The following CDH2 variants were observed in gnomAD, a reference collection of about 807,000 sequenced individuals.
CDH2 encodes cadherin-2.
CDH2 carries 17 observed loss-of-function variants against 92.0 expected under a neutral mutation model. The ratio of observed to expected loss-of-function variants is 0.18; its 90% CI spans 0.13 to 0.28. The LOEUF is 0.28. Ranked by LOEUF, CDH2 falls within the 10% of genes least tolerant of loss-of-function variation. The pLI is 1.00. For missense variants in CDH2, 862 were observed against 1,133.1 expected (o/e 0.76, Z 3.44); for synonymous variants, 419 against 415.9 (o/e 1.01, Z -0.09).
intron 15 of CDH2, among the ~76,000 whole-genome samples, chr18:27,957,104 T>A (rs924228163): frequency 1.5e-5 from 2 of 133,036 alleles, no homozygotes; most frequent in Non-Finnish European, 3.3e-5. Flanking sequence ...ATACTTCTTA[T>A]ATTTTTTATC....
At chr18:28,174,394 T>C (rs1246924698) in intron 1 of CDH2, among the ~76,000 whole-genome samples, 1 of 152,202 alleles carries the variant, frequency 6.6e-6, no homozygotes, top group African/African-American at 2.4e-5. Context: ...ACAATCCACA[T>C]GGTGCACTTA....
At chr18:28,041,346 C>T (rs1396119868) in intron 2 of CDH2, among the ~76,000 whole-genome samples, 1 of 152,080 alleles carries the variant, frequency 6.6e-6, no homozygotes, top group Non-Finnish European at 1.5e-5. Flanking sequence ...TTTGGCTTTG[C>T]TGAAAACAAG....
At chr18:28,018,716 G>C (rs2013322313) in intron 2 of CDH2, among the ~76,000 whole-genome samples, 1 of 151,856 alleles carries the variant, frequency 6.6e-6, no homozygotes. Context: ...TTACACTGCT[G>C]GTAGGAATGG....
chr18:28,126,535 G>A (rs1037244873), intron 2 of CDH2, among the ~76,000 whole-genome samples: 2 of 151,908 alleles, frequency 1.3e-5, no homozygotes, highest in African/African-American at 2.4e-5. Context: ...CTAAAACCCC[G>A]AGACATTATC....
In CDH2 at chr18:28,120,692, G is replaced by C. The variant is rs749012261; in HGVS notation, c.172+26981C>G. 1.1e-4 allele frequency among the ~76,000 whole-genome samples: 16 copies of C among 152,156 alleles called. No individual in the cohort carries two copies. The South Asian group carries it at 2.3e-3, about 22-fold the overall frequency. On this transcript the variant is annotated intron_variant, in intron 2 of 15. Coordinates refer to ENST00000269141, the MANE Select transcript of CDH2 (RefSeq NM_001792.5). ...AGGCATGATTTATGCCCAAGTCAGA[G>C]AGAAAACCTATGGAACTTCATCGAC...
intron 2 of CDH2, among the ~76,000 whole-genome samples, chr18:28,105,351 A>G (rs1041398371): frequency 4.6e-5 from 7 of 152,240 alleles, no homozygotes. Context: ...CAATTCAGAA[A>G]TAGAGCAAAC....
chr18:28,080,517 C>A (rs990658704), intron 2 of CDH2, among the ~76,000 whole-genome samples: 1 of 151,794 alleles, frequency 6.6e-6, no homozygotes, highest in Non-Finnish European at 1.5e-5. Flanking sequence ...AAGCATAAGA[C>A]AACAGAAAAA....
intron 2 of CDH2, among the ~76,000 whole-genome samples, chr18:28,139,066 A>G (rs1214453086): frequency 6.6e-6 from 1 of 151,968 alleles, no homozygotes; most frequent in East Asian, 1.9e-4. Flanking sequence ...TTCTGTGAAG[A>G]AAACCTTCTG....
At chr18:28,135,310 T>TACC (rs2015843598) in intron 2 of CDH2, among the ~76,000 whole-genome samples, 1 of 152,220 alleles carries the variant, frequency 6.6e-6, no homozygotes. Flanking sequence ...ACAGATGATC[T>TACC]ACCAATAGGC....
chr18:28,110,252 A>G (rs2015389784), intron 2 of CDH2, among the ~76,000 whole-genome samples: 1 of 152,226 alleles, frequency 6.6e-6, no homozygotes, highest in Non-Finnish European at 1.5e-5. Context: ...AAAGACTAAC[A>G]TAACAAAACA....
At chr18:27,981,788 T>G (rs994002480) in intron 14 of CDH2, among the ~76,000 whole-genome samples, 5 of 152,196 alleles carry the variant, frequency 3.3e-5, no homozygotes, top group Admixed American at 3.3e-4. Flanking sequence ...GCATATATAC[T>G]TAAGAGAGTA....
At chr18:28,035,071 C>T (rs1287623843) in intron 2 of CDH2, among the ~76,000 whole-genome samples, 4 of 152,054 alleles carry the variant, frequency 2.6e-5, no homozygotes, top group African/African-American at 9.7e-5. Flanking sequence ...AGGATAAATG[C>T]TCCTCAGGAA....
At chr18:28,040,463 T>A (rs2013927251) in intron 2 of CDH2, among the ~76,000 whole-genome samples, 1 of 152,166 alleles carries the variant, frequency 6.6e-6, no homozygotes, top group Non-Finnish European at 1.5e-5. Context: ...AATGTTAATT[T>A]TCTTAGGTCA....
chr18:28,147,621 T>G, intron 2 of CDH2, 52 bp downstream of exon 2: 1 of 1,129,114 alleles, frequency 8.9e-7, no homozygotes, highest in Non-Finnish European at 1.3e-6. Context: ...ATGGCTAATT[T>G]GTTTCATGAG....
intron 2 of CDH2, among the ~76,000 whole-genome samples, chr18:28,083,362 G>C (rs1161064554): frequency 2.0e-5 from 3 of 152,170 alleles, no homozygotes; most frequent in Non-Finnish European, 4.4e-5. Flanking sequence ...TGGATAGCTA[G>C]ACTGATCATA....
At chr18:28,172,812 ACTT>A (rs2016484696) in intron 1 of CDH2, among the ~76,000 whole-genome samples, 1 of 152,164 alleles carries the variant, frequency 6.6e-6, no homozygotes, top group Admixed American at 6.5e-5. Flanking sequence ...CGAACACAAC[ACTT>A]CTTAAATAAC....
chr18:28,045,007 T>A (rs925801473), intron 2 of CDH2, among the ~76,000 whole-genome samples: 1 of 152,136 alleles, frequency 6.6e-6, no homozygotes, highest in African/African-American at 2.4e-5. Context: ...AGTAGCTACA[T>A]GAAATTTTCA....
intron 14 of CDH2, among the ~76,000 whole-genome samples, chr18:27,975,876 G>A (rs1470365771): frequency 6.6e-6 from 1 of 152,118 alleles, no homozygotes. Context: ...AGCTGGAAAG[G>A]GGATGGGAAG....
chr18:28,045,397 A>G, intron 2 of CDH2: 1 of 467,844 alleles, frequency 2.1e-6, no homozygotes. Flanking sequence ...ATTGATTAGA[A>G]AAGAAAGACC....
Sources: allele counts gnomAD v4.1 joint callset (sites outside exome capture counted in the v4.1 genomes callset), GRCh38; gene constraint gnomAD v4.1.1; transcripts MANE v1.5; gene names NCBI Gene and HGNC (gene_info 2026-07-23, HGNC 2026-07-21).